Variants in MED12L observed in about 807,000 individuals in gnomAD.
MED12L encodes the protein mediator of RNA polymerase II transcription subunit 12-like protein.
Under a neutral mutation model 281.3 loss-of-function variants are expected in MED12L, and 60 were observed. The ratio of observed to expected loss-of-function variants is 0.21; its 90% CI spans 0.17 to 0.26. The LOEUF (loss-of-function observed/expected upper bound fraction) is 0.26, where lower values mean the gene tolerates loss of function less well. MED12L is among the 10% of genes least tolerant of loss of function. The probability of loss-of-function intolerance (pLI) is 1.00; values close to 1 mark genes in which losing one functional copy is unlikely to be tolerated. For missense variants in MED12L, 2,146 were observed against 2,680.9 expected (o/e 0.80, Z 4.41); for synonymous variants, 974 against 987.2 (o/e 0.99, Z 0.25).
At chr3:151,276,468 G>A (rs1302232591) in intron 16 of MED12L, among the ~76,000 whole-genome samples, 1 of 152,230 alleles carries the variant, frequency 6.6e-6, no homozygotes, top group Non-Finnish European at 1.5e-5. Flanking sequence ...TTGTGTTGGT[G>A]TCAGCCTACC....
At chr3:151,375,810 A>G (rs1238723966) in intron 27 of MED12L, among the ~76,000 whole-genome samples, 2 of 152,148 alleles carry the variant, frequency 1.3e-5, no homozygotes, top group Admixed American at 6.5e-5. Flanking sequence ...CCATTAAAAA[A>G]TGTTTTTAAG....
intron 16 of MED12L, chr3:151,198,428 T>C (rs1725003052): frequency 4.4e-6 from 7 of 1,599,882 alleles, no homozygotes; most frequent in Non-Finnish European, 6.0e-6. Context: ...TCCTGTCTTT[T>C]ATGCATTATT....
chr3:151,214,266 G>A, intron 16 of MED12L: 5 of 1,614,014 alleles, frequency 3.1e-6, no homozygotes, highest in African/African-American at 1.3e-5. Flanking sequence ...TGATCAGGAG[G>A]TTCTGAGAGC....
chr3:151,350,239 G>A (rs751884178), intron 17 of MED12L, 33 bp downstream of exon 17: 40 of 1,604,102 alleles, frequency 2.5e-5, no homozygotes, highest in Middle Eastern at 1.7e-4. Context: ...CTCCCATTGT[G>A]TTGCCTTTTG....
chr3:151,227,534 T>C (rs1235590755), intron 16 of MED12L, among the ~76,000 whole-genome samples: 1 of 152,248 alleles, frequency 6.6e-6, no homozygotes. Flanking sequence ...AGACTGCAAG[T>C]CTAGCATATT....
chr3:151,243,349 T>C (rs1163555164), intron 16 of MED12L, among the ~76,000 whole-genome samples: 6 of 150,858 alleles, frequency 4.0e-5, no homozygotes, highest in Non-Finnish European at 1.5e-5. Flanking sequence ...GGAAAAAATG[T>C]TAAGGGCAGC....
chr3:151,344,907 A>T (rs938366746), intron 16 of MED12L, among the ~76,000 whole-genome samples: 1 of 152,208 alleles, frequency 6.6e-6, no homozygotes, highest in South Asian at 2.1e-4. Flanking sequence ...CATCTTTGTC[A>T]ACACATACAC....
chr3:151,265,582 C>T (rs1739675465), intron 16 of MED12L, among the ~76,000 whole-genome samples: 1 of 152,164 alleles, frequency 6.6e-6, no homozygotes, highest in Non-Finnish European at 1.5e-5. Flanking sequence ...CAGGGTTTCT[C>T]TCTAAGAAAA....
intron 16 of MED12L, among the ~76,000 whole-genome samples, chr3:151,215,040 C>CT (rs1727922208): frequency 6.6e-6 from 1 of 151,632 alleles, no homozygotes; most frequent in African/African-American, 2.4e-5. Flanking sequence ...AAGACAGTGT[C>CT]TAACAAACAT....
chr3:151,105,040 A>T (rs1721833788), intron 2 of MED12L, among the ~76,000 whole-genome samples: 1 of 152,110 alleles, frequency 6.6e-6, no homozygotes, highest in Non-Finnish European at 1.5e-5. Flanking sequence ...ACTTTGATAT[A>T]TCTCTTTGAG....
intron 16 of MED12L, among the ~76,000 whole-genome samples, chr3:151,283,151 T>TA (rs1377745219): frequency 6.6e-6 from 1 of 151,876 alleles, no homozygotes; most frequent in Admixed American, 6.6e-5. Flanking sequence ...TAACAGTTTT[T>TA]AAAAAAATTA....
intron 16 of MED12L, among the ~76,000 whole-genome samples, chr3:151,343,574 A>T (rs1370821842): frequency 6.6e-6 from 1 of 152,214 alleles, no homozygotes; most frequent in Non-Finnish European, 1.5e-5. Context: ...TTTTCATATG[A>T]ATAGAAGCAG....
intron 40 of MED12L, among the ~76,000 whole-genome samples, chr3:151,410,980 T>G (rs919284060): frequency 6.6e-6 from 1 of 152,098 alleles, no homozygotes; most frequent in African/African-American, 2.4e-5. Context: ...TATAGAAACA[T>G]GCCCTTCTCT....
intron 11 of MED12L, among the ~76,000 whole-genome samples, chr3:151,167,195 C>T (rs566936087): frequency 1.4e-4 from 22 of 152,322 alleles, no homozygotes; most frequent in African/African-American, 5.1e-4. Flanking sequence ...TTATCTCACA[C>T]ATATCTAGCA....
chr3:151,305,510 C>T (rs963689236), intron 16 of MED12L, among the ~76,000 whole-genome samples: 1 of 152,068 alleles, frequency 6.6e-6, no homozygotes, highest in African/African-American at 2.4e-5. Context: ...GTGGTTGATA[C>T]CTTAAGCAAT....
At chr3:151,139,453 T>C (rs1446040581) in intron 5 of MED12L, among the ~76,000 whole-genome samples, 5 of 152,242 alleles carry the variant, frequency 3.3e-5, no homozygotes, top group East Asian at 3.8e-4. Flanking sequence ...TATGTACATA[T>C]ATTTATAAAT....
intron 5 of MED12L, among the ~76,000 whole-genome samples, chr3:151,137,161 A>G (rs1012045289): frequency 3.0e-5 from 4 of 135,300 alleles, no homozygotes; most frequent in Non-Finnish European, 6.4e-5. Context: ...ACTCCGTCTC[A>G]AAAAAAAAAA....
At chr3:151,237,954 G>T (rs1733256859) in intron 16 of MED12L, among the ~76,000 whole-genome samples, 2 of 151,824 alleles carry the variant, frequency 1.3e-5, no homozygotes, top group Non-Finnish European at 1.5e-5. Context: ...ATTTTGTTTG[G>T]TGTCTCTACT....
chr3:151,355,812 G>T, intron 18 of MED12L, 84 bp from the exon 19 acceptor site: 7 of 1,259,684 alleles, frequency 5.6e-6, no homozygotes, highest in Non-Finnish European at 7.6e-6. Context: ...AGATTCAACT[G>T]TCTTAAAAAG....
Sources: gnomAD v4.1 joint callset for allele counts (sites outside exome capture counted in the v4.1 genomes callset) on GRCh38, gnomAD v4.1.1 for gene constraint, MANE v1.5 for transcripts, NCBI Gene and HGNC (gene_info 2026-07-23, HGNC 2026-07-21) for gene names.